Variants in TJP1 observed in about 807,000 individuals in gnomAD.
TJP1 encodes the protein tight junction protein ZO-1.
TJP1 carries 43 observed loss-of-function variants against 194.2 expected under a neutral mutation model. The ratio of observed to expected loss-of-function variants is 0.22; its 90% CI spans 0.17 to 0.29. TJP1 has a LOEUF of 0.29. Among genes scored for constraint, TJP1 ranks in the 10% least tolerant of loss-of-function variants. The pLI is 1.00. For synonymous variants in TJP1, 801 were observed against 779.0 expected (o/e 1.03, Z -0.47); for missense variants, 1,971 against 2,185.7 (o/e 0.90, Z 1.96).
At chr15:29,839,346 A>G (rs916400402) in intron 2 of TJP1, among the ~76,000 whole-genome samples, 2 of 152,098 alleles carry the variant, frequency 1.3e-5, no homozygotes, top group Non-Finnish European at 2.9e-5. Context: ...ATTTCTTGCT[A>G]TTATAAAAAT....
chr15:29,730,549 A>C (rs1002834461), intron 15 of TJP1, among the ~76,000 whole-genome samples: 7 of 151,684 alleles, frequency 4.6e-5, no homozygotes, highest in African/African-American at 1.7e-4. Context: ...GTGAGCAATG[A>C]TCTAACCACT....
intron 1 of TJP1, chr15:29,956,468 C>T: frequency 9.2e-7 from 1 of 1,087,126 alleles, no homozygotes; most frequent in South Asian, 1.7e-5. Flanking sequence ...AAATGTCACA[C>T]TCCTTTTTCC....
rs1555434000 is a variant in TJP1, at chr15:29,833,881, A to ATATTT, written c.307-33180_307-33179insAAATA. 1.6e-3 allele frequency among the ~76,000 whole-genome samples: 20 copies of ATATTT among 12,618 alleles called. 2 individuals carry two copies. The highest frequency in any genetic ancestry group is 8.0e-3 in the South Asian group (2 of 250). 8.3% of individuals were successfully genotyped at this position (12,618 alleles called of 152,430 possible). A position where few individuals can be genotyped will look rare whatever the true frequency, so the allele number is the denominator to read the frequency against. ...AGTATATATATATATATATATATAT[A>ATATTT]TTTTTTTTTTTTTTTTTTTTGAGAC... is the stretch of plus-strand genomic sequence containing the variant. On this transcript the variant is annotated intron_variant, in intron 2 of 28. Coordinates refer to the TJP1 transcript ENST00000356107.
chr15:29,813,744 C>G (rs1290135816), intron 1 of TJP1, among the ~76,000 whole-genome samples: 1 of 152,180 alleles, frequency 6.6e-6, no homozygotes, highest in African/African-American at 2.4e-5. Context: ...GATTCTAGCA[C>G]TTATCATTAT....
chr15:29,729,735 G>C (rs2043488670), intron 15 of TJP1, among the ~76,000 whole-genome samples: 1 of 151,576 alleles, frequency 6.6e-6, no homozygotes, highest in East Asian at 2.0e-4. Flanking sequence ...CAGGAGAATG[G>C]CATGAACCCA....
intron 2 of TJP1, among the ~76,000 whole-genome samples, chr15:29,797,582 T>TAAA (rs201927768): frequency 7.5e-6 from 1 of 133,310 alleles, no homozygotes; most frequent in East Asian, 2.1e-4. Flanking sequence ...CTGAATACGT[T>TAAA]AAAAAAAAAA....
At chr15:29,821,018 T>C (rs769663810) in intron 1 of TJP1, among the ~76,000 whole-genome samples, 10 of 152,180 alleles carry the variant, frequency 6.6e-5, no homozygotes, top group Non-Finnish European at 1.5e-4. Flanking sequence ...TGCCCAAGTA[T>C]CTCGATACTA....
chr15:29,762,266 C>A, intron 6 of TJP1, 69 bp downstream of exon 6: 2 of 1,316,948 alleles, frequency 1.5e-6, no homozygotes, highest in South Asian at 1.4e-5. Flanking sequence ...AACAAGAGCA[C>A]AGACTACATG....
At chr15:29,870,951 A>G (rs1227240375) in intron 2 of TJP1, among the ~76,000 whole-genome samples, 1 of 152,220 alleles carries the variant, frequency 6.6e-6, no homozygotes, top group African/African-American at 2.4e-5. Context: ...CACTGGCCCA[A>G]GGTCACGAGG....
Position 29,738,865 on chromosome 15 carries a change from T to TAAAAA in TJP1, c.1257-1456_1257-1452dup, listed in dbSNP as rs71103406. On this transcript the variant is annotated intron_variant, in intron 10 of 27. Coordinates refer to ENST00000614355, the MANE Select transcript of TJP1 (RefSeq NM_001330239.4). Reference sequence around the variant, plus strand: ...CAACACAGCAAGACCCTGTCACTACTAAAAAAAAAAAAAAAAAAAAAAAAA... The same window carrying TAAAAA: ...CAACACAGCAAGACCCTGTCACTACTAAAAAAAAAAAAAAAAAAAAAAAAAAAAAA... Among the ~76,000 whole-genome samples, 184 of 48,840 alleles carry TAAAAA rather than the reference T, an allele frequency of 3.8e-3. 16 individuals are homozygous for TAAAAA. In the East Asian group the frequency reaches 0.039, roughly 10 times the overall value. 32.0% of individuals were successfully genotyped at this position (48,840 alleles called of 152,430 possible).
At chr15:29,761,039 C>A in intron 8 of TJP1, 100 bp downstream of exon 8, 2 of 1,321,182 alleles carry the variant, frequency 1.5e-6, no homozygotes, top group Middle Eastern at 2.1e-4. Flanking sequence ...CTTGAATAAT[C>A]AAAAGAAATA....
chr15:29,821,732 G>C (rs1403914341), intron 1 of TJP1, among the ~76,000 whole-genome samples: 2 of 151,800 alleles, frequency 1.3e-5, no homozygotes, highest in East Asian at 1.9e-4. Context: ...CCAGGCACAG[G>C]CGCCGGCAGC....
intron 1 of TJP1, among the ~76,000 whole-genome samples, chr15:29,960,635 C>CAA (rs3085441): frequency 0.38 from 44,848 of 117,230 alleles, 7,874 homozygotes; most frequent in South Asian, 0.52. Context: ...GACCATGTCT[C>CAA]AAAAAAAAAA....
chr15:29,775,597 T>C (rs960810417), intron 2 of TJP1, among the ~76,000 whole-genome samples: 1 of 152,106 alleles, frequency 6.6e-6, no homozygotes, highest in Non-Finnish European at 1.5e-5. Context: ...TGGGGGAACA[T>C]ACACCCCATG....
chr15:29,968,735 C>T, exon 1 of TJP1: 1 of 1,232,446 alleles, frequency 8.1e-7, no homozygotes, highest in South Asian at 1.3e-5. Flanking sequence ...CCATCTGCAG[C>T]ACCGTCAGGT....
At chr15:29,764,181 G>T (rs1258592967) in intron 5 of TJP1, among the ~76,000 whole-genome samples, 1 of 152,120 alleles carries the variant, frequency 6.6e-6, no homozygotes, top group African/African-American at 2.4e-5. Context: ...GAGTTCAGAG[G>T]GCAGAAACAC....
At chr15:29,888,411 AAAG>A (rs1442426045) in intron 2 of TJP1, among the ~76,000 whole-genome samples, 1 of 152,192 alleles carries the variant, frequency 6.6e-6, no homozygotes, top group Non-Finnish European at 1.5e-5. Context: ...TCTATTCAAA[AAAG>A]AAGGCATTGA....
intron 1 of TJP1, among the ~76,000 whole-genome samples, chr15:29,806,746 A>G (rs2049135583): frequency 6.6e-6 from 1 of 152,242 alleles, no homozygotes; most frequent in Admixed American, 6.5e-5. Context: ...TTTCAATTAC[A>G]TAATTTCAAA....
At chr15:29,949,242 C>CCA (rs1466289883) in intron 2 of TJP1, among the ~76,000 whole-genome samples, 1 of 70,826 alleles carries the variant, frequency 1.4e-5, no homozygotes, top group Non-Finnish European at 2.6e-5. Context: ...ACTACCTCCA[C>CCA]CTTCACCACC....
Sources: allele counts gnomAD v4.1 joint callset (sites outside exome capture counted in the v4.1 genomes callset), GRCh38; gene constraint gnomAD v4.1.1; transcripts MANE v1.5; gene names NCBI Gene and HGNC (gene_info 2026-07-23, HGNC 2026-07-21).